OR7D2: variants seen among roughly 807,000 people sequenced by gnomAD.
The protein encoded by OR7D2 is olfactory receptor family 7 subfamily D member 2, also known as olfactory receptor 7D2.
For missense variants in OR7D2, 370 were observed against 384.1 expected (o/e 0.96, Z 0.31); for synonymous variants, 158 against 158.7 (o/e 1.00, Z 0.03).
At chr19:9,185,587 T>C (rs1219415025) in intron 2 of OR7D2, 182 bp from the exon 3 acceptor site, 3 of 293,986 alleles carry the variant, frequency 1.0e-5, no homozygotes, top group Non-Finnish European at 1.9e-5. Flanking sequence ...TATTTTATTT[T>C]TTATTTTTAT....
Position 9,186,925 on chromosome 19 carries a change from T to A in OR7D2, c.*205T>A, listed in dbSNP as rs1599212554. 5 of 445,076 alleles carry A rather than the reference T, an allele frequency of 1.1e-5. No individual in the cohort carries two copies. The East Asian group carries it at 1.9e-4, about 17-fold the overall frequency. The allele number at this position is 445,076 out of a possible 1,614,324, so 27.6% of individuals were successfully genotyped here. A position where few individuals can be genotyped will look rare whatever the true frequency, so the allele number is the denominator to read the frequency against. ...CTGAATAGTGAACATAAGGCACTTTTTTTTCTTTTTTGAGACGGAGTCTCA... is the reference window on the plus strand; with the variant it reads ...CTGAATAGTGAACATAAGGCACTTTATTTTCTTTTTTGAGACGGAGTCTCA... On this transcript the variant is annotated 3_prime_UTR_variant, in exon 3 of 3. Transcript: ENST00000641288.
intron 1 of OR7D2, among the ~76,000 whole-genome samples, chr19:9,179,542 T>C (rs914317517): frequency 8.3e-6 from 1 of 121,144 alleles, no homozygotes; most frequent in African/African-American, 3.1e-5. Flanking sequence ...AGACGCTGTC[T>C]CAAAAAAAAA....
chr19:9,187,165 G>A lies in OR7D2; in HGVS notation c.*445G>A, dbSNP rs926884979. 1.2e-5 allele frequency: 2 copies of A among 168,450 alleles called. No homozygotes were observed. The highest frequency in any genetic ancestry group is 1.4e-5 in the Non-Finnish European group (1 of 70,242). 10.4% of individuals were successfully genotyped at this position (168,450 alleles called of 1,614,324 possible). On this transcript the variant is annotated 3_prime_UTR_variant, in exon 3 of 3. Coordinates refer to ENST00000641288, the MANE Select transcript of OR7D2 (RefSeq NM_175883.4). Reference sequence around the variant, plus strand: ...GATCCACCTGCCTTGGCCTCTCAAAGTGCTGGGATTACAGGTGTGAGCCAC... The same window carrying A: ...GATCCACCTGCCTTGGCCTCTCAAAATGCTGGGATTACAGGTGTGAGCCAC...
rs1176953517 is a variant in OR7D2 at position 9,186,703 on chromosome 19, G to A, written c.922G>A (p.Ala308Thr). Residue 308 changes from alanine to threonine, a missense_variant, in exon 3 of 3, where the codon GCA becomes ACA. Transcript: ENST00000641288. ...AGCCCTGGGGAGTCTCCTCAGCAGG[G>A]CAGCCTCTTGTTTGTGATGGATCCC... Reference protein sequence around the residue: ...KGALGSLLSRAASCL With the variant: ...KGALGSLLSRTASCL 1.1e-5 allele frequency: 17 copies of A among 1,601,196 alleles called. No individual in the cohort carries two copies. Among genetic ancestry groups the A allele is most frequent in the Non-Finnish European group, 1.4e-5 (17 of 1,175,814 alleles).
chr19:9,180,090 T>C (rs1324567851), intron 1 of OR7D2, among the ~76,000 whole-genome samples: 1 of 152,176 alleles, frequency 6.6e-6, no homozygotes, highest in African/African-American at 2.4e-5. Context: ...TATATTATCA[T>C]TGCAATTGTG....
In OR7D2 at chr19:9,186,556, C is replaced by T. The variant is rs745525741; in HGVS notation, c.775C>T (p.His259Tyr). Reference protein sequence around the residue: ...SLFYGTGIGVHFTSAVTHSSQ... With the variant: ...SLFYGTGIGVYFTSAVTHSSQ... Reference sequence around the variant, plus strand: ...ATTTTATGGGACAGGCATTGGGGTCCACTTCACTTCTGCGGTGACTCACTC... The same window carrying T: ...ATTTTATGGGACAGGCATTGGGGTCTACTTCACTTCTGCGGTGACTCACTC... Residue 259 changes from histidine to tyrosine, a missense_variant, in exon 3 of 3, where the codon CAC (histidine) becomes TAC (tyrosine). Transcript: ENST00000641288. 15 of 1,613,962 alleles carry T rather than the reference C, an allele frequency of 9.3e-6. No individual in the cohort carries two copies. Among genetic ancestry groups the T allele is most frequent in the Non-Finnish European group, 1.3e-5 (15 of 1,180,030 alleles).
intron 2 of OR7D2, among the ~76,000 whole-genome samples, chr19:9,184,625 T>C (rs971087462): frequency 8.5e-5 from 13 of 152,182 alleles, no homozygotes; most frequent in Admixed American, 3.3e-4. Flanking sequence ...CAGCATTACT[T>C]GCAAAAGTCA....
chr19:9,184,773 G>GTA (rs1423521843), intron 2 of OR7D2, among the ~76,000 whole-genome samples: 1 of 151,950 alleles, frequency 6.6e-6, no homozygotes, highest in Non-Finnish European at 1.5e-5. Flanking sequence ...GTATGTGTGT[G>GTA]TATATATATG....
At chr19:9,184,364 A>T (rs927165257) in intron 2 of OR7D2, among the ~76,000 whole-genome samples, 15 of 152,216 alleles carry the variant, frequency 9.9e-5, no homozygotes, top group African/African-American at 3.6e-4. Context: ...CAGTGAGCTG[A>T]GATCACGCCA....
intron 2 of OR7D2, among the ~76,000 whole-genome samples, chr19:9,184,424 A>T (rs1300511829): frequency 6.6e-6 from 1 of 152,032 alleles, no homozygotes; most frequent in African/African-American, 2.4e-5. Flanking sequence ...AATAAAAAGG[A>T]AAAAGAAATT....
intron 2 of OR7D2, among the ~76,000 whole-genome samples, chr19:9,183,849 C>T (rs371371088): frequency 2.1e-5 from 3 of 145,502 alleles, no homozygotes. Flanking sequence ...CCCAGCTACT[C>T]GGGAGGCTGA....
Position 9,186,795 on chromosome 19 carries a change from T to A in OR7D2, c.*75T>A. ...AAATGTTTTATTTTGAAATTCTTAC[T>A]CTTTAAAATTAAAAACATTTTTTTA... On this transcript the variant is annotated 3_prime_UTR_variant, in exon 3 of 3. Transcript: ENST00000641288. The A allele has an allele frequency of 9.8e-7, 1 of 1,018,460 alleles. No individual in the cohort carries two copies. Among genetic ancestry groups the A allele is most frequent in the Non-Finnish European group, 1.4e-6 (1 of 705,780 alleles). The allele number at this position is 1,018,460 out of a possible 1,614,324, so 63.1% of individuals were successfully genotyped here.
At chr19:9,181,948 C>T (rs2145979428) in intron 2 of OR7D2, among the ~76,000 whole-genome samples, 1 of 152,242 alleles carries the variant, frequency 6.6e-6, no homozygotes, top group Non-Finnish European at 1.5e-5. Flanking sequence ...TAAGAATCTC[C>T]TTGACCATGT....
chr19:9,182,581 G>A (rs2050998342), intron 2 of OR7D2: 2 of 160,356 alleles, frequency 1.2e-5, no homozygotes, highest in Non-Finnish European at 2.7e-5. Context: ...GCAGTGTCGC[G>A]AGATCTCGGC....
chr19:9,181,964 G>C (rs1023297156), intron 2 of OR7D2, among the ~76,000 whole-genome samples: 1 of 152,076 alleles, frequency 6.6e-6, no homozygotes, highest in Non-Finnish European at 1.5e-5. Context: ...CATGTAATAG[G>C]GGTGCTATAA....
At position 9,186,892 on chromosome 19, in the gene OR7D2, CCAATT is replaced by C. The variant is rs2051040858; in HGVS notation, c.*173_*177del. On this transcript the variant is annotated 3_prime_UTR_variant, in exon 3 of 3. Coordinates refer to ENST00000641288, the MANE Select transcript of OR7D2 (RefSeq NM_175883.4). The stretch of plus-strand genomic sequence containing the variant: ...GGGTGAAGTCTGAGCTTTTGGCGTA[CCAATT>C]ACCTGAATAGTGAACATAAGGCACT... 1.8e-6 allele frequency: 1 copy of C among 544,700 alleles called. No homozygotes were observed. Among genetic ancestry groups the C allele is most frequent in the Non-Finnish European group, 3.2e-6 (1 of 311,478 alleles). The allele number at this position is 544,700 out of a possible 1,614,324, so 33.7% of individuals were successfully genotyped here.
intron 2 of OR7D2, chr19:9,182,731 C>G: frequency 6.2e-6 from 1 of 161,024 alleles, no homozygotes; most frequent in Non-Finnish European, 1.4e-5. Flanking sequence ...CTGTGTTAGC[C>G]AGGATGGTCT....
rs776486946 is a variant in OR7D2, at chr19:9,186,606, GGT to G, written c.827_828del (p.Val276AspfsTer59). 2.7e-5 allele frequency: 44 copies of G among 1,613,920 alleles called. No individual in the cohort carries two copies. The Admixed American group carries it at 6.8e-4, about 25-fold the overall frequency. On this transcript the variant is annotated frameshift_variant, in exon 3 of 3. Transcript: ENST00000641288. LOFTEE classifies it low-confidence loss of function (END_TRUNC). The stretch of plus-strand genomic sequence containing the variant: ...CTTCCCAGAAAATCTCCGTGGCCTC[GGT>G]GATGTACACTGTGGTCACCCCCATG... The part of the protein sequence containing the change: ...HSSQKISVAS[V>X]MYTVVTPMLN...
chr19:9,184,040 T>C (rs567121572), intron 2 of OR7D2, among the ~76,000 whole-genome samples: 2 of 138,420 alleles, frequency 1.4e-5, no homozygotes, highest in South Asian at 2.5e-4. Context: ...CCTTGTGCCC[T>C]GTCGGTGGTA....
Sources: allele counts gnomAD v4.1 joint callset (sites outside exome capture counted in the v4.1 genomes callset), GRCh38; gene constraint gnomAD v4.1.1; transcripts MANE v1.5; gene names NCBI Gene and HGNC (gene_info 2026-07-23, HGNC 2026-07-21).